Variants in ASXL1 observed in about 807,000 individuals in gnomAD.
ASXL1 encodes the protein ASXL transcriptional regulator 1.
Under a neutral mutation model 89.1 loss-of-function variants are expected in ASXL1, and 65 were observed. That is an observed-to-expected ratio of 0.73 (90% CI 0.60 to 0.90). The LOEUF (loss-of-function observed/expected upper bound fraction) is 0.90. ASXL1 is among the 40% of genes least tolerant of loss of function. The pLI, the probability that ASXL1 is intolerant of heterozygous loss-of-function variation, is 0.00. For synonymous variants in ASXL1, 739 were observed against 746.9 expected (o/e 0.99, Z 0.17); for missense variants, 1,786 against 1,942.9 (o/e 0.92, Z 1.52).
intron 1 of ASXL1, chr20:32,360,052 T>G: frequency 2.0e-6 from 1 of 490,108 alleles, no homozygotes; most frequent in South Asian, 2.6e-5. Flanking sequence ...GTTTTCTGCT[T>G]CAAAGGTGTT....
chr20:32,398,253 A>T (rs2123035897), intron 4 of ASXL1, among the ~76,000 whole-genome samples: 1 of 151,994 alleles, frequency 6.6e-6, no homozygotes, highest in East Asian at 1.9e-4. Flanking sequence ...ATGGAGTCTC[A>T]CTCTGTAGCC....
At chr20:32,413,947 C>CT (rs554517581) in intron 4 of ASXL1, among the ~76,000 whole-genome samples, 62 of 152,272 alleles carry the variant, frequency 4.1e-4, no homozygotes, top group African/African-American at 1.4e-3. Flanking sequence ...CCTTACATGT[C>CT]TTTATTCTGT....
chr20:32,429,943 CCAG>C lies in ASXL1; in HGVS notation c.619_621del (p.Ser207del), dbSNP rs745311249. 2 of 1,608,614 alleles carry C rather than the reference CCAG, an allele frequency of 1.2e-6. No individual in the cohort carries two copies. On this transcript the variant is annotated inframe_deletion, in exon 8 of 13. Transcript: ENST00000375687. The surrounding 1 kb of genome is among the most constrained non-coding windows in gnomAD (Gnocchi z 4.9). ...GCCGATGGCGAGAGCGGCAGCCCGT[CCAG>C]CAGCAGCAGCGGCTCTCTGGCCCTG...
Position 32,437,583 on chromosome 20 carries a change from G to C in ASXL1, c.*245G>C. On this transcript the variant is annotated 3_prime_UTR_variant, in exon 13 of 13. Transcript: ENST00000375687. ...CCAGCCAGCCTGAGCTCTCCTGCAA[G>C]ACAGAGCCTGATGTGGCACGGAGTG... is the stretch of plus-strand genomic sequence containing the variant. The C allele has an allele frequency of 1.8e-6, 1 of 557,028 alleles. No individual in the cohort carries two copies. Among genetic ancestry groups the C allele is most frequent in the East Asian group, 3.2e-5 (1 of 30,834 alleles). 34.5% of individuals were successfully genotyped at this position (557,028 alleles called of 1,614,324 possible). A position where few individuals can be genotyped will look rare whatever the true frequency, so the allele number is the denominator to read the frequency against.
At chr20:32,369,388 A>G (rs1259255149) in intron 4 of ASXL1, among the ~76,000 whole-genome samples, 4 of 152,088 alleles carry the variant, frequency 2.6e-5, no homozygotes, top group Non-Finnish European at 5.9e-5. Flanking sequence ...AGCTGGGACT[A>G]CAGGCACATG....
intron 12 of ASXL1, 166 bp downstream of exon 12, chr20:32,434,083 C>A (rs1480703668): frequency 1.0e-6 from 1 of 989,686 alleles, no homozygotes. Context: ...GAGATAGGTT[C>A]TTTTCTTCCT....
chr20:32,367,096 A>T (rs997290099), intron 2 of ASXL1, among the ~76,000 whole-genome samples: 3 of 138,778 alleles, frequency 2.2e-5, no homozygotes, highest in Non-Finnish European at 3.1e-5. Context: ...AAAAAAAAAA[A>T]GCTGGGGGTA....
rs1339452337 is a variant in ASXL1 at position 32,428,181 on chromosome 20, A to T, written c.306A>T (p.Pro102=). The T allele has an allele frequency of 1.9e-6, 3 of 1,614,134 alleles. No homozygotes were observed. The highest frequency in any genetic ancestry group is 2.5e-6 in the Non-Finnish European group (3 of 1,180,022). The change falls in exon 5 of 13, where the codon CCA becomes CCT. Residue 102 remains proline (P), a synonymous_variant. Coordinates refer to ENST00000375687, the MANE Select transcript of ASXL1 (RefSeq NM_015338.6). ...RHPATVEGEE[P]EDTADVESCG... ...CAGCTACAGTGGAGGGAGAGGAGCCAGAGGACACGGCTGATGTGGAGAGCT... is the reference window on the plus strand; with the variant it reads ...CAGCTACAGTGGAGGGAGAGGAGCCTGAGGACACGGCTGATGTGGAGAGCT...
In ASXL1 at chr20:32,425,769, C is replaced by T. The variant is rs148986225; in HGVS notation, c.253-2359C>T. ...TCACCCAGGCTGGAGTACAGTGGCA[C>T]AATCTTGGCTCACTAACCTCTGCCT... On this transcript the variant is annotated intron_variant, in intron 4 of 12. Transcript: ENST00000375687. Among the ~76,000 whole-genome samples, 243 of 152,248 alleles carry T rather than the reference C, an allele frequency of 1.6e-3. 2 individuals carry two copies. The highest frequency in any genetic ancestry group is 2.7e-3 in the Non-Finnish European group (183 of 68,002).
chr20:32,374,573 G>A (rs1278062539), intron 4 of ASXL1, among the ~76,000 whole-genome samples: 1 of 152,154 alleles, frequency 6.6e-6, no homozygotes, highest in African/African-American at 2.4e-5. Context: ...GGGATTACAG[G>A]TGTGAGCCAC....
intron 1 of ASXL1, among the ~76,000 whole-genome samples, chr20:32,362,684 G>A (rs956385579): frequency 2.0e-5 from 3 of 152,194 alleles, no homozygotes; most frequent in Non-Finnish European, 4.4e-5. Context: ...ACCTTTCGTA[G>A]AGGAAAGAAG....
intron 4 of ASXL1, among the ~76,000 whole-genome samples, chr20:32,377,196 A>G (rs891996993): frequency 2.1e-5 from 3 of 143,694 alleles, no homozygotes; most frequent in East Asian, 4.0e-4. Flanking sequence ...AGATATATCT[A>G]TGTATATTAT....
chr20:32,411,604 C>T (rs963532787), intron 4 of ASXL1, among the ~76,000 whole-genome samples: 4 of 144,176 alleles, frequency 2.8e-5, no homozygotes, highest in East Asian at 2.0e-4. Context: ...TGCAGTAGTG[C>T]GATCTTGGCT....
rs951716574 is a variant in ASXL1 at position 32,434,486 on chromosome 20, C to T, written c.1774C>T (p.Gln592Ter). The T allele has an allele frequency of 5.0e-6, 8 of 1,613,944 alleles. No homozygotes were observed. Among genetic ancestry groups the T allele is most frequent in the Non-Finnish European group, 5.9e-6 (7 of 1,180,014 alleles). The change falls in exon 13 of 13, where the codon CAG becomes TAG. Residue 592 changes from glutamine to a stop codon, truncating the protein, a stop_gained. Transcript: ENST00000375687. LOFTEE classifies it low-confidence loss of function (END_TRUNC). ...PWVVKGQPTY[Q>*]ICPRIIPTTE... ...GGTGGTTAAAGGTCAGCCCACTTAC[C>T]AGATATGCCCCCGGATCATCCCCAC...
intron 4 of ASXL1, among the ~76,000 whole-genome samples, chr20:32,405,546 A>G (rs2048940698): frequency 6.6e-6 from 1 of 152,186 alleles, no homozygotes; most frequent in African/African-American, 2.4e-5. Context: ...TGTCCATGTA[A>G]TGTCCTTTTT....
chr20:32,374,510 A>G (rs2048346344), intron 4 of ASXL1, among the ~76,000 whole-genome samples: 1 of 152,086 alleles, frequency 6.6e-6, no homozygotes, highest in Non-Finnish European at 1.5e-5. Context: ...TCCTCAGGCT[A>G]GTCTCAAACT....
intron 4 of ASXL1, 39 bp downstream of exon 4, chr20:32,369,162 G>C (rs765998224): frequency 1.9e-6 from 3 of 1,554,412 alleles, no homozygotes; most frequent in Non-Finnish European, 2.7e-6. Context: ...AGTGATTCTT[G>C]GACTTTTAAT....
chr20:32,436,383 G>C lies in ASXL1; in HGVS notation c.3671G>C (p.Arg1224Thr), dbSNP rs543240313. The C allele has an allele frequency of 2.6e-5, 42 of 1,613,654 alleles. No individual in the cohort carries two copies. In the East Asian group the frequency reaches 9.1e-4, roughly 35 times the overall value. ...HPVTNPITSS[R>T]KLEEMDSKEQ... ...GTGACAAATCCCATTACATCCTCTA[G>C]GAAACTGGAAGAAATGGATTCCAAA... Residue 1224 changes from arginine (R) to threonine (T), a missense_variant, in exon 13 of 13, where the codon AGG (arginine) becomes ACG (threonine). Arg to Thr is a moderately conservative substitution (Grantham distance 71). Coordinates refer to ENST00000375687, the MANE Select transcript of ASXL1 (RefSeq NM_015338.6).
intron 4 of ASXL1, among the ~76,000 whole-genome samples, chr20:32,402,243 C>CA (rs2048887936): frequency 6.6e-6 from 1 of 152,194 alleles, no homozygotes; most frequent in South Asian, 2.1e-4. Flanking sequence ...AAATTACAAA[C>CA]AGAGATGGAG....
Sources: allele counts gnomAD v4.1 joint callset (sites outside exome capture counted in the v4.1 genomes callset), GRCh38; gene constraint gnomAD v4.1.1; non-coding constraint Gnocchi (gnomAD v3.1); transcripts MANE v1.5; gene names NCBI Gene and HGNC (gene_info 2026-07-23, HGNC 2026-07-21).